RYR2: variants seen among roughly 807,000 people sequenced by gnomAD.
The protein encoded by RYR2 is cardiac muscle ryanodine receptor-calcium release channel.
In RYR2, 227 loss-of-function variants were observed where a neutral mutation model predicts 601.1. That is an observed-to-expected ratio of 0.38 (90% CI 0.34 to 0.42). The LOEUF (loss-of-function observed/expected upper bound fraction) is 0.42, where lower values mean the gene tolerates loss of function less well. Ranked by LOEUF, RYR2 falls within the 10% of genes least tolerant of loss-of-function variation. The pLI is 1.00. For synonymous variants in RYR2, 2,223 were observed against 2,175.1 expected, an observed-to-expected ratio of 1.02 and a Z score of -0.61; for missense variants, 4,646 against 6,156.5, an observed-to-expected ratio of 0.75 and a Z score of 8.21.
chr1:237,178,483 C>T (rs1678332792), intron 1 of RYR2, among the ~76,000 whole-genome samples: 2 of 148,282 alleles, frequency 1.3e-5, no homozygotes, highest in Admixed American at 1.4e-4. Context: ...AAAGAGATCC[C>T]TCTGTCTTCT....
At chr1:237,350,620 T>TAG (rs1698747406) in intron 3 of RYR2, among the ~76,000 whole-genome samples, 1 of 108,588 alleles carries the variant, frequency 9.2e-6, no homozygotes. Flanking sequence ...TATATATATA[T>TAG]ATATATATAT....
chr1:237,131,993 G>A (rs1231007908), intron 1 of RYR2, among the ~76,000 whole-genome samples: 1 of 152,140 alleles, frequency 6.6e-6, no homozygotes, highest in Non-Finnish European at 1.5e-5. Context: ...CAAAATGCTA[G>A]GATTATAAGC....
chr1:237,511,985 A>T (rs564089940), intron 24 of RYR2, among the ~76,000 whole-genome samples, 194 bp downstream of exon 24: 39 of 152,214 alleles, frequency 2.6e-4, no homozygotes, highest in African/African-American at 7.5e-4. Flanking sequence ...CTGTTAATTT[A>T]TGTCCTCTTG....
At chr1:237,607,184 T>C (rs75739189) in intron 35 of RYR2, among the ~76,000 whole-genome samples, 29,505 of 152,112 alleles carry the variant, frequency 0.19, 3,290 homozygotes, top group East Asian at 0.47. Flanking sequence ...CAAATGTCCA[T>C]CAGTGTTAGA....
intron 29 of RYR2, among the ~76,000 whole-genome samples, chr1:237,571,315 C>CT (rs71561888): frequency 0.2 from 26,230 of 134,082 alleles, 2,921 homozygotes; most frequent in East Asian, 0.51. Flanking sequence ...CTTTTCTTTT[C>CT]TTTTTTTTTT....
intron 58 of RYR2, among the ~76,000 whole-genome samples, chr1:237,670,961 A>G (rs747826499): frequency 2.0e-5 from 3 of 152,184 alleles, no homozygotes; most frequent in Non-Finnish European, 4.4e-5. Context: ...GAAAATCATC[A>G]TTATTTAAAT....
At chr1:237,175,217 A>G (rs1331417174) in intron 1 of RYR2, among the ~76,000 whole-genome samples, 2 of 152,212 alleles carry the variant, frequency 1.3e-5, no homozygotes, top group African/African-American at 4.8e-5. Flanking sequence ...ATCACAGTCA[A>G]TCTGGATAGT....
intron 13 of RYR2, among the ~76,000 whole-genome samples, chr1:237,442,237 A>G (rs1251171676): frequency 6.6e-6 from 1 of 152,216 alleles, no homozygotes; most frequent in Non-Finnish European, 1.5e-5. Context: ...TTGGCTTTAA[A>G]GCAAATTTTT....
chr1:237,387,597 T>C (rs1702045218), intron 9 of RYR2, among the ~76,000 whole-genome samples: 1 of 152,200 alleles, frequency 6.6e-6, no homozygotes, highest in East Asian at 1.9e-4. Context: ...TATGCTACTG[T>C]CAGCTTTAGT....
chr1:237,660,725 G>A, intron 55 of RYR2, 85 bp from the exon 56 acceptor site: 1 of 1,189,730 alleles, frequency 8.4e-7, no homozygotes, highest in Non-Finnish European at 1.1e-6. Context: ...AAAAGTGAAG[G>A]CAGTCTATTT....
intron 2 of RYR2, among the ~76,000 whole-genome samples, chr1:237,286,418 G>A (rs185562465): frequency 6.6e-6 from 1 of 151,426 alleles, no homozygotes; most frequent in African/African-American, 2.4e-5. Context: ...TAAATTTATT[G>A]AGCCTTGTTT....
At chr1:237,407,471 A>G (rs565950330) in intron 10 of RYR2, among the ~76,000 whole-genome samples, 2 of 152,318 alleles carry the variant, frequency 1.3e-5, no homozygotes, top group East Asian at 1.9e-4. Context: ...GGTTTTGGCC[A>G]TTGTAACATA....
At chr1:237,045,023 T>G (rs1330975321) in intron 1 of RYR2, among the ~76,000 whole-genome samples, 5 of 151,570 alleles carry the variant, frequency 3.3e-5, no homozygotes, top group Admixed American at 1.3e-4. Context: ...GATAAAACAG[T>G]TGTAGATGGA....
intron 10 of RYR2, among the ~76,000 whole-genome samples, chr1:237,409,473 A>G (rs532940639): frequency 2.0e-5 from 3 of 152,220 alleles, no homozygotes; most frequent in Non-Finnish European, 4.4e-5. Flanking sequence ...GTTCAGTGAT[A>G]TCTTAATTAC....
chr1:237,822,828 G>A (rs1574093700), intron 101 of RYR2, among the ~76,000 whole-genome samples: 1 of 152,170 alleles, frequency 6.6e-6, no homozygotes, highest in African/African-American at 2.4e-5. Context: ...TAAAGGGACT[G>A]AGGAATATTT....
intron 1 of RYR2, among the ~76,000 whole-genome samples, chr1:237,175,376 G>T (rs1305714453): frequency 3.9e-5 from 6 of 152,092 alleles, no homozygotes; most frequent in African/African-American, 1.4e-4. Flanking sequence ...ATAGATGCCA[G>T]TCTTCTGGAA....
intron 48 of RYR2, among the ~76,000 whole-genome samples, chr1:237,645,955 C>T (rs1775835): frequency 0.2 from 30,478 of 150,144 alleles, 3,460 homozygotes; most frequent in East Asian, 0.37. Flanking sequence ...TGGCTCACTG[C>T]AAGCTCCGCC....
At chr1:237,101,318 A>AAAAAAAAAAC (rs1558234245) in intron 1 of RYR2, among the ~76,000 whole-genome samples, 1 of 144,110 alleles carries the variant, frequency 6.9e-6, no homozygotes, top group African/African-American at 2.5e-5. Flanking sequence ...AAAAAAAAAA[A>AAAAAAAAAAC]AAAAAACCTC....
At chr1:237,739,353 T>A (rs1175252100) in intron 79 of RYR2, among the ~76,000 whole-genome samples, 1 of 152,218 alleles carries the variant, frequency 6.6e-6, no homozygotes, top group Non-Finnish European at 1.5e-5. Context: ...CACCCCTTTT[T>A]GTCTGCATCA....
Sources: allele counts gnomAD v4.1 joint callset (sites outside exome capture counted in the v4.1 genomes callset), GRCh38; gene constraint gnomAD v4.1.1; transcripts MANE v1.5; gene names NCBI Gene and HGNC (gene_info 2026-07-23, HGNC 2026-07-21).